Variants in AQP8 observed in about 807,000 individuals in gnomAD.
The protein encoded by AQP8 is aquaporin 8.
In AQP8, 14 loss-of-function variants were observed where a neutral mutation model predicts 26.1. The observed-to-expected ratio is 0.54, with a 90% CI of 0.35 to 0.84. AQP8 has a LOEUF of 0.84. Among genes scored for constraint, AQP8 ranks in the 40% least tolerant of loss-of-function variants. The pLI is 0.01. For missense variants in AQP8, 301 were observed against 340.5 expected (o/e 0.88, Z 0.91); for synonymous variants, 131 against 150.7 (o/e 0.87, Z 0.96).
Position 25,227,142 on chromosome 16 carries a change from T to A in AQP8, c.677T>A (p.Phe226Tyr). Reference protein sequence around the residue: ...GPAVVANHWNFHWIYWLGPLL... With the variant: ...GPAVVANHWNYHWIYWLGPLL... ...GCGGTGGTGGCCAACCACTGGAACT[T>A]CCACTGGATCTACTGGCTGGGCCCA... The change falls in exon 5 of 6, where the codon TTC becomes TAC. Residue 226 changes from phenylalanine to tyrosine, a missense_variant. Physicochemically the swap from Phe to Tyr is conservative, Grantham distance 22 (BLOSUM62 3). Coordinates refer to ENST00000219660, the MANE Select transcript of AQP8 (RefSeq NM_001169.3). 1 of 1,614,010 alleles carries A rather than the reference T, an allele frequency of 6.2e-7. No individual in the cohort carries two copies. The highest frequency in any genetic ancestry group is 8.5e-7 in the Non-Finnish European group (1 of 1,179,996).
chr16:25,217,054 A>C lies in AQP8; in HGVS notation c.9A>C (p.Gly3=). The C allele has an allele frequency of 1.2e-6, 2 of 1,613,946 alleles. No homozygotes were observed. Among genetic ancestry groups the C allele is most frequent in the Non-Finnish European group, 1.7e-6 (2 of 1,180,012 alleles). MS[G]EIAMCEPEFG... is the part of the protein sequence containing the mutation. Reference sequence around the variant, plus strand: ...TGTGCCATCTGATCCTGATGTCTGGAGAGGTGAGCCCTCTGTCGGCATCTT... The same window carrying C: ...TGTGCCATCTGATCCTGATGTCTGGCGAGGTGAGCCCTCTGTCGGCATCTT... The change falls in exon 1 of 6, where the codon GGA becomes GGC. Residue 3 remains glycine (G), a synonymous_variant. Coordinates refer to ENST00000219660, the MANE Select transcript of AQP8 (RefSeq NM_001169.3).
At chr16:25,224,692 C>T (rs1246679908) in intron 4 of AQP8, 116 bp downstream of exon 4, 3 of 1,089,420 alleles carry the variant, frequency 2.8e-6, no homozygotes, top group African/African-American at 3.1e-5. Context: ...GAAGGTGCTG[C>T]AAATGGGGAG....
At chr16:25,217,496 G>A (rs919496044) in intron 2 of AQP8, 51 bp downstream of exon 2, 5 of 1,596,838 alleles carry the variant, frequency 3.1e-6, no homozygotes, top group Admixed American at 3.4e-5. Flanking sequence ...GGCACTGGGT[G>A]TGGAAAGCAA....
chr16:25,219,293 A>C (rs1962526721), intron 2 of AQP8, among the ~76,000 whole-genome samples: 1 of 151,382 alleles, frequency 6.6e-6, no homozygotes, highest in Non-Finnish European at 1.5e-5. Context: ...TCTCTTTGGC[A>C]CTGCAAATAC....
intron 4 of AQP8, among the ~76,000 whole-genome samples, chr16:25,225,405 G>GA (rs963467544): frequency 6.6e-6 from 1 of 152,012 alleles, no homozygotes; most frequent in African/African-American, 2.4e-5. Flanking sequence ...GCAGGCTGGG[G>GA]AATGTGTGTG....
intron 1 of AQP8, 35 bp downstream of exon 1, chr16:25,217,092 G>T: frequency 6.2e-7 from 1 of 1,613,862 alleles, no homozygotes. Flanking sequence ...TCTCCAGGCT[G>T]GCAGAGCAAG....
At chr16:25,223,221 G>A (rs1414027989) in intron 3 of AQP8, among the ~76,000 whole-genome samples, 2 of 152,242 alleles carry the variant, frequency 1.3e-5, no homozygotes, top group Non-Finnish European at 2.9e-5. Flanking sequence ...ACTGGATCCA[G>A]AGTCCAGAAG....
chr16:25,217,441 A>G lies in AQP8; in HGVS notation c.256A>G (p.Ile86Val), dbSNP rs776362370. 1.2e-6 allele frequency: 2 copies of G among 1,613,992 alleles called. No individual in the cohort carries two copies. The highest frequency in any genetic ancestry group is 1.7e-6 in the Non-Finnish European group (2 of 1,179,966). Residue 86 changes from isoleucine (I) to valine (V), a missense_variant, in exon 2 of 6, where the codon ATC becomes GTC. Physicochemically the swap from Ile to Val is conservative, Grantham distance 29. Coordinates refer to ENST00000219660, the MANE Select transcript of AQP8 (RefSeq NM_001169.3). ...GCTCGTGATTGCCACGCTGGGGAAT[A>G]TCAGGTGAGACCAGCTCTGAGGATT... is the stretch of plus-strand genomic sequence containing the variant. ...LGLVIATLGNISGGHFNPAVS... is the reference protein window; with the variant it reads ...LGLVIATLGNVSGGHFNPAVS...
intron 4 of AQP8, among the ~76,000 whole-genome samples, chr16:25,225,251 C>T (rs1384175828): frequency 1.3e-5 from 2 of 152,188 alleles, no homozygotes; most frequent in Non-Finnish European, 2.9e-5. Context: ...CTCAAAAGTA[C>T]TGGAATTACA....
At chr16:25,221,729 T>C in intron 3 of AQP8, 146 bp downstream of exon 3, 1 of 975,662 alleles carries the variant, frequency 1.0e-6, no homozygotes, top group Non-Finnish European at 1.5e-6. Context: ...TGGACGTTTT[T>C]CTTCTCTCTT....
chr16:25,228,431 A>C lies in AQP8; in HGVS notation c.738-13A>C. ...TCCGGGGCAGAGACCTTACTGGGTC[A>C]TCTTTCTTGCAGGTGCTTCATTGGA... is the stretch of plus-strand genomic sequence containing the variant. On this transcript the variant is annotated splice_polypyrimidine_tract_variant and intron_variant, in intron 5 of 5. Coordinates refer to ENST00000219660, the MANE Select transcript of AQP8 (RefSeq NM_001169.3). 1 of 1,613,868 alleles carries C rather than the reference A, an allele frequency of 6.2e-7. No individual in the cohort carries two copies. Among genetic ancestry groups the C allele is most frequent in the South Asian group, 1.1e-5 (1 of 91,072 alleles).
At chr16:25,225,568 G>A (rs889490747) in intron 4 of AQP8, among the ~76,000 whole-genome samples, 9 of 151,250 alleles carry the variant, frequency 6.0e-5, no homozygotes, top group African/African-American at 1.9e-4. Context: ...CACCACGCCC[G>A]GCTAATTTTT....
rs150444521 is a variant in AQP8, at chr16:25,221,125, A to G, written c.261-332A>G. 3.8e-4 allele frequency among the ~76,000 whole-genome samples: 58 copies of G among 152,260 alleles called. No homozygotes were observed. In the East Asian group the frequency reaches 0.01, roughly 27 times the overall value. On this transcript the variant is annotated intron_variant, in intron 2 of 5. Coordinates refer to ENST00000219660, the MANE Select transcript of AQP8 (RefSeq NM_001169.3). ...ACTAACTTGGAGCCTTGGTATCTCA[A>G]TCTGACCTGTGGCCACATCTCTGAA...
intron 2 of AQP8, among the ~76,000 whole-genome samples, chr16:25,220,912 G>T (rs111949685): frequency 6.6e-6 from 1 of 152,168 alleles, no homozygotes; most frequent in Non-Finnish European, 1.5e-5. Flanking sequence ...TAAGCCAGGC[G>T]TGGTGGCACA....
intron 2 of AQP8, 126 bp downstream of exon 2, chr16:25,217,571 A>G (rs928891779): frequency 3.7e-6 from 5 of 1,350,118 alleles, no homozygotes; most frequent in Middle Eastern, 2.4e-4. Context: ...CTGGATAACT[A>G]TGGGGTTGGG....
intron 3 of AQP8, among the ~76,000 whole-genome samples, chr16:25,222,378 A>T (rs546326198): frequency 2.0e-4 from 31 of 151,480 alleles, no homozygotes; most frequent in Admixed American, 5.9e-4. Flanking sequence ...ATTAAAAAAA[A>T]TTTTTTTCTG....
intron 4 of AQP8, among the ~76,000 whole-genome samples, chr16:25,226,584 G>A (rs770037771): frequency 6.6e-6 from 1 of 151,926 alleles, no homozygotes; most frequent in African/African-American, 2.4e-5. Flanking sequence ...TTTGATACAG[G>A]TATGCAATGT....
chr16:25,222,676 T>G lies in AQP8; in HGVS notation c.387+1093T>G, dbSNP rs565395054. 2.8e-3 allele frequency among the ~76,000 whole-genome samples: 412 copies of G among 149,628 alleles called. 2 individuals are homozygous for G. Among genetic ancestry groups the G allele is most frequent in the African/African-American group, 9.3e-3 (378 of 40,838 alleles). On this transcript the variant is annotated intron_variant, in intron 3 of 5. Transcript: ENST00000219660. ...AGATGTGGGCCTTGCTTGGTGTGTG[T>G]GTGGGGGGTGGTGGATGGGGGAGCT...
intron 1 of AQP8, 26 bp downstream of exon 1, chr16:25,217,083 C>A (rs73551009): frequency 2.5e-6 from 4 of 1,613,942 alleles, no homozygotes; most frequent in Middle Eastern, 1.6e-4. Flanking sequence ...GCATCTTCCT[C>A]TCCAGGCTGG....
Sources: allele counts gnomAD v4.1 joint callset (sites outside exome capture counted in the v4.1 genomes callset), GRCh38; gene constraint gnomAD v4.1.1; transcripts MANE v1.5; gene names NCBI Gene and HGNC (gene_info 2026-07-23, HGNC 2026-07-21).